Variants in NRXN3 observed in about 807,000 individuals in gnomAD.
NRXN3 encodes neurexin III.
NRXN3 carries 32 observed loss-of-function variants against 137.6 expected under a neutral mutation model. That is an observed-to-expected ratio of 0.23 (90% CI 0.18 to 0.31). NRXN3 has a LOEUF of 0.31. Ranked by LOEUF, NRXN3 falls within the 10% of genes least tolerant of loss-of-function variation. The pLI is 1.00. For synonymous variants in NRXN3, 798 were observed against 784.5 expected (o/e 1.02, Z -0.29); for missense variants, 1,574 against 2,062.5 (o/e 0.76, Z 4.59).
At chr14:79,586,306 G>T (rs564677573) in intron 16 of NRXN3, among the ~76,000 whole-genome samples, 2 of 152,326 alleles carry the variant, frequency 1.3e-5, no homozygotes, top group East Asian at 1.9e-4. Context: ...TTATCAGAAT[G>T]TTAGATGAAA....
At chr14:78,990,260 C>T (rs1286762700) in intron 15 of NRXN3, among the ~76,000 whole-genome samples, 2 of 151,980 alleles carry the variant, frequency 1.3e-5, no homozygotes, top group Non-Finnish European at 2.9e-5. Flanking sequence ...AACTGCCTCT[C>T]TAACAGGAGC....
chr14:78,889,383 G>T (rs1172858932), intron 10 of NRXN3, among the ~76,000 whole-genome samples: 1 of 151,918 alleles, frequency 6.6e-6, no homozygotes, highest in African/African-American at 2.4e-5. Context: ...ATTGCACTTG[G>T]TGTGTGATTT....
At chr14:78,832,177 A>G (rs2098984383) in intron 10 of NRXN3, among the ~76,000 whole-genome samples, 1 of 152,078 alleles carries the variant, frequency 6.6e-6, no homozygotes, top group Non-Finnish European at 1.5e-5. Flanking sequence ...TGTCTCTTGA[A>G]TCAAAAATGG....
At chr14:79,029,024 A>G (rs2099603092) in intron 15 of NRXN3, among the ~76,000 whole-genome samples, 2 of 152,014 alleles carry the variant, frequency 1.3e-5, no homozygotes, top group African/African-American at 4.8e-5. Context: ...AGTGATAAAT[A>G]TGCTTAAAAG....
At chr14:79,715,232 C>T (rs1425870816) in intron 19 of NRXN3, among the ~76,000 whole-genome samples, 2 of 152,168 alleles carry the variant, frequency 1.3e-5, no homozygotes, top group East Asian at 1.9e-4. Flanking sequence ...GGATTACAGG[C>T]GTGAGCCACT....
At chr14:78,808,376 A>G (rs2098890138) in intron 9 of NRXN3, among the ~76,000 whole-genome samples, 1 of 151,982 alleles carries the variant, frequency 6.6e-6, no homozygotes, top group Admixed American at 6.5e-5. Flanking sequence ...GACAAAACCC[A>G]CTTGTTGTTT....
chr14:78,746,853 A>T (rs552390052), intron 8 of NRXN3, among the ~76,000 whole-genome samples: 1 of 152,238 alleles, frequency 6.6e-6, no homozygotes, highest in Admixed American at 6.5e-5. Context: ...TTTTTCAAGT[A>T]AAGTGTTGAC....
chr14:79,575,498 T>C (rs572296164), intron 16 of NRXN3, among the ~76,000 whole-genome samples: 22 of 152,296 alleles, frequency 1.4e-4, no homozygotes, highest in African/African-American at 5.1e-4. Context: ...GGTTTCAGTT[T>C]TTAACAAAAC....
chr14:78,795,143 G>A (rs1249533507), intron 8 of NRXN3, among the ~76,000 whole-genome samples: 1 of 152,144 alleles, frequency 6.6e-6, no homozygotes, highest in Non-Finnish European at 1.5e-5. Context: ...CTTTGAAAAG[G>A]GAGGAGGATA....
chr14:78,935,357 A>G (rs966758677), intron 10 of NRXN3, among the ~76,000 whole-genome samples: 4 of 152,184 alleles, frequency 2.6e-5, no homozygotes, highest in Admixed American at 1.3e-4. Context: ...AGTATCTGCT[A>G]GTCATTTCCA....
chr14:79,608,782 A>T (rs1567650091), intron 16 of NRXN3, among the ~76,000 whole-genome samples: 1 of 150,138 alleles, frequency 6.7e-6, no homozygotes, highest in Non-Finnish European at 1.5e-5. Context: ...CCATTTGTTG[A>T]TTTTTTTTTT....
At chr14:79,588,702 C>T (rs1008204057) in intron 16 of NRXN3, among the ~76,000 whole-genome samples, 1 of 152,186 alleles carries the variant, frequency 6.6e-6, no homozygotes, top group Non-Finnish European at 1.5e-5. Flanking sequence ...AACAAATGAA[C>T]TGAGAGAGAA....
chr14:78,236,737 C>A (rs867523495), intron 1 of NRXN3, among the ~76,000 whole-genome samples: 16 of 145,594 alleles, frequency 1.1e-4, no homozygotes, highest in African/African-American at 3.5e-4. Flanking sequence ...ATTCCCCCCC[C>A]CCTTTTTTTT....
At chr14:78,797,096 T>C (rs1401724444) in intron 8 of NRXN3, among the ~76,000 whole-genome samples, 1 of 152,184 alleles carries the variant, frequency 6.6e-6, no homozygotes, top group Non-Finnish European at 1.5e-5. Context: ...GTTACTTATA[T>C]TGATACACTC....
At chr14:78,226,217 A>G (rs992911078) in intron 1 of NRXN3, among the ~76,000 whole-genome samples, 2 of 152,076 alleles carry the variant, frequency 1.3e-5, no homozygotes, top group Non-Finnish European at 2.9e-5. Context: ...GTTAGCCAGG[A>G]TGATCTCGAT....
intron 20 of NRXN3, chr14:79,854,286 T>G (rs1208197621): frequency 6.0e-6 from 2 of 335,794 alleles, no homozygotes; most frequent in African/African-American, 4.5e-5. Context: ...TGGAAATGAT[T>G]TCTTTTTTTC....
Position 79,346,096 on chromosome 14 carries a change from C to T in NRXN3, c.3263-121125C>T, listed in dbSNP as rs576418420. Among the ~76,000 whole-genome samples the T allele has an allele frequency of 6.3e-4, 96 of 152,228 alleles. 2 individuals are homozygous for T. In the South Asian group the frequency reaches 0.018, roughly 29 times the overall value. The stretch of plus-strand genomic sequence containing the variant: ...TTTTTCCTTGTACTGGTTTATCCTA[C>T]CTATGGCAACCAGAGTTATTATTTA... On this transcript the variant is annotated intron_variant, in intron 15 of 20. Transcript: ENST00000335750.
chr14:79,537,529 C>G (rs935373393), intron 16 of NRXN3, among the ~76,000 whole-genome samples: 5 of 152,002 alleles, frequency 3.3e-5, no homozygotes, highest in African/African-American at 7.2e-5. Context: ...CTATGAGTGA[C>G]AACATGCAGT....
intron 4 of NRXN3, chr14:78,615,150 C>G (rs2097335207): frequency 6.6e-6 from 3 of 453,946 alleles, no homozygotes; most frequent in African/African-American, 4.0e-5. Flanking sequence ...ATGATAATAA[C>G]AATATCTTAC....
Sources: allele counts gnomAD v4.1 joint callset (sites outside exome capture counted in the v4.1 genomes callset), GRCh38; gene constraint gnomAD v4.1.1; transcripts MANE v1.5; gene names NCBI Gene and HGNC (gene_info 2026-07-23, HGNC 2026-07-21).